The following TERF2 variants were observed in gnomAD, a reference collection of about 807,000 sequenced individuals.
The protein encoded by TERF2 is telomeric repeat-binding factor 2.
TERF2 carries 16 observed loss-of-function variants against 56.1 expected under a neutral mutation model. That is an observed-to-expected ratio of 0.29 (90% CI 0.19 to 0.43). TERF2 has a LOEUF of 0.43. TERF2 is among the 20% of genes least tolerant of loss of function. The pLI is 1.00. For missense variants in TERF2, 547 were observed against 712.9 expected (o/e 0.77, Z 2.65); for synonymous variants, 296 against 282.1 (o/e 1.05, Z -0.50).
intron 3 of TERF2, among the ~76,000 whole-genome samples, chr16:69,378,183 C>T (rs2013863875): frequency 6.6e-6 from 1 of 152,146 alleles, no homozygotes; most frequent in African/African-American, 2.4e-5. Flanking sequence ...TGGTGGACTA[C>T]ACTGATTGAT....
chr16:69,385,347 C>T, intron 2 of TERF2, 44 bp downstream of exon 2: 2 of 1,535,300 alleles, frequency 1.3e-6, no homozygotes, highest in Non-Finnish European at 1.8e-6. Flanking sequence ...TAAAACAAAA[C>T]CCTACGCAAG....
chr16:69,373,083 A>T (rs3785074), intron 3 of TERF2, among the ~76,000 whole-genome samples: 1 of 151,900 alleles, frequency 6.6e-6, no homozygotes, highest in African/African-American at 2.4e-5. Context: ...GGAAAGAAAG[A>T]GATGTGCTGA....
chr16:69,381,579 C>T (rs1373960256), intron 3 of TERF2, among the ~76,000 whole-genome samples: 1 of 151,918 alleles, frequency 6.6e-6, no homozygotes, highest in Non-Finnish European at 1.5e-5. Context: ...CTCCCAGGCT[C>T]AGGTGATCCT....
In TERF2 at chr16:69,367,588, C is replaced by CA. The variant is rs566699732; in HGVS notation, c.948-390dup. ...TTAAGAGCAGGATCTTGAGAATTCT[C>CA]AGAGTAAAAGGCATGCCACACAGTC... On this transcript the variant is annotated intron_variant, in intron 6 of 9. Transcript: ENST00000254942. Among the ~76,000 whole-genome samples the CA allele has an allele frequency of 2.5e-4, 38 of 152,204 alleles. 2 individuals carry two copies. In the South Asian group the frequency reaches 6.9e-3, roughly 27 times the overall value.
rs143327786 is a variant in TERF2 at position 69,379,312 on chromosome 16, G to C, written c.606+5268C>G. Among the ~76,000 whole-genome samples the C allele has an allele frequency of 2.4e-3, 363 of 152,354 alleles. 1 individual carries two copies. Among genetic ancestry groups the C allele is most frequent in the African/African-American group, 8.2e-3 (340 of 41,574 alleles). ...TTGTTTCAAATGTAAAGTTCTAACA[G>C]AGTGTATCTGATATACAAGCACCCC... On this transcript the variant is annotated intron_variant, in intron 3 of 9. Transcript: ENST00000254942.
intron 3 of TERF2, among the ~76,000 whole-genome samples, chr16:69,375,649 C>T (rs2013751485): frequency 6.6e-6 from 1 of 152,050 alleles, no homozygotes; most frequent in South Asian, 2.1e-4. Context: ...GAGATAGGGT[C>T]TATATCACCC....
chr16:69,376,412 C>T (rs975383846), intron 3 of TERF2, among the ~76,000 whole-genome samples: 6 of 152,102 alleles, frequency 3.9e-5, no homozygotes, highest in Non-Finnish European at 8.8e-5. Context: ...TCTCTATAGT[C>T]GTAATTACTG....
intron 6 of TERF2, among the ~76,000 whole-genome samples, chr16:69,367,547 C>T (rs573596374): frequency 6.6e-6 from 1 of 152,152 alleles, no homozygotes; most frequent in Non-Finnish European, 1.5e-5. Context: ...TCCACCACAC[C>T]CGGCCTACAA....
In TERF2 at chr16:69,385,760, C is replaced by T. The variant is rs1024858404; in HGVS notation, c.212G>A (p.Gly71Glu). The T allele has an allele frequency of 2.4e-5, 32 of 1,345,336 alleles. No homozygotes were observed. In the African/African-American group the frequency reaches 4.8e-4, roughly 20 times the overall value. The allele number at this position is 1,345,336 out of a possible 1,614,324, so 83.3% of individuals were successfully genotyped here. Residue 71 changes from glycine (G) to glutamate (E), a missense_variant, in exon 1 of 10, where the codon GGG becomes GAG. Physicochemically the swap from Gly to Glu is moderately conservative, Grantham distance 98 (BLOSUM62 -2). Around this residue, in one of 6 missense-constraint regions of TERF2, gnomAD observed 120 missense variants for 172.4 expected, o/e 0.70. Coordinates refer to ENST00000254942, the MANE Select transcript of TERF2 (RefSeq NM_005652.5). ...GCCCCCCAGCCCCGGCTCGTGGCGC[C>T]CCCGCCGGGCCCGCCCGCTACTGCG... ...ASRSSGRARR[G>E]RHEPGLGGPA...
At chr16:69,361,374 A>T (rs767970325) in intron 8 of TERF2, 30 bp downstream of exon 8, 14 of 1,509,306 alleles carry the variant, frequency 9.3e-6, no homozygotes, top group Non-Finnish European at 1.2e-5. Flanking sequence ...GCAAGCATCA[A>T]GAAGAGGCCA....
chr16:69,357,459 C>G (rs1347309842), intron 9 of TERF2, 59 bp downstream of exon 9: 3 of 1,446,858 alleles, frequency 2.1e-6, no homozygotes, highest in Non-Finnish European at 2.9e-6. Flanking sequence ...AGACAGGGCG[C>G]GTATTTTACC....
At chr16:69,361,579 C>A in intron 7 of TERF2, 90 bp from the exon 8 acceptor site, 5 of 902,866 alleles carry the variant, frequency 5.5e-6, no homozygotes, top group Middle Eastern at 5.1e-4. Flanking sequence ...TGGCCCTGTA[C>A]TCCTTCCTGT....
chr16:69,367,257 C>G (rs2013388117), intron 6 of TERF2, 58 bp from the exon 7 acceptor site: 13 of 1,520,400 alleles, frequency 8.6e-6, no homozygotes, highest in Non-Finnish European at 1.1e-5. Context: ...CTCATCCAAA[C>G]AGCCACAACT....
In TERF2 at chr16:69,385,768, G is replaced by T; in HGVS notation, c.204C>A (p.Ala68=). ...GCCCCGGCTCGTGGCGCCCCCGCCG[G>T]GCCCGCCCGCTACTGCGGGACGCCC... ...GRRASRSSGR[A]RRGRHEPGLG... is the part of the protein sequence containing the mutation. The change falls in exon 1 of 10, where the codon GCC becomes GCA. Residue 68 remains alanine (A), a synonymous_variant. Transcript: ENST00000254942. The T allele has an allele frequency of 7.5e-7, 1 of 1,334,722 alleles. No homozygotes were observed. Among genetic ancestry groups the T allele is most frequent in the Admixed American group, 3.9e-5 (1 of 25,942 alleles). 82.7% of individuals were successfully genotyped at this position (1,334,722 alleles called of 1,614,324 possible).
In TERF2 at chr16:69,355,974, CAT is replaced by C. The variant is rs1341736262; in HGVS notation, c.*922_*923del. The C allele has an allele frequency of 8.3e-6, 2 of 239,726 alleles. No individual in the cohort carries two copies. The highest frequency in any genetic ancestry group is 4.4e-5 in the South Asian group (1 of 22,956). The allele number at this position is 239,726 out of a possible 1,614,324, so 14.8% of individuals were successfully genotyped here. The stretch of plus-strand genomic sequence containing the variant: ...ACCAAAAAACACACTGGTTCAACCA[CAT>C]GAGAAGTGGAGGATTAACCTGCCTA... On this transcript the variant is annotated 3_prime_UTR_variant, in exon 10 of 10. Coordinates refer to ENST00000254942, the MANE Select transcript of TERF2 (RefSeq NM_005652.5).
intron 3 of TERF2, among the ~76,000 whole-genome samples, chr16:69,384,328 G>T (rs1453507782): frequency 6.6e-6 from 1 of 152,112 alleles, no homozygotes; most frequent in Non-Finnish European, 1.5e-5. Flanking sequence ...CCTCCAAAAT[G>T]TCAGAGCTTC....
At chr16:69,368,732 A>T in intron 5 of TERF2, 1 of 814,884 alleles carries the variant, frequency 1.2e-6, no homozygotes, top group Non-Finnish European at 1.8e-6. Flanking sequence ...GCTGCAGCAC[A>T]GTGGTGCAAT....
intron 3 of TERF2, among the ~76,000 whole-genome samples, chr16:69,373,890 A>T (rs951735995): frequency 3.4e-5 from 5 of 147,986 alleles, no homozygotes; most frequent in African/African-American, 1.2e-4. Context: ...CACAGGGAAG[A>T]ATGTACAGAG....
At chr16:69,369,615 A>G (rs1023586710) in intron 5 of TERF2, among the ~76,000 whole-genome samples, 1 of 152,058 alleles carries the variant, frequency 6.6e-6, no homozygotes, top group African/African-American at 2.4e-5. Flanking sequence ...CTGGTTTCAA[A>G]AACAAAACAA....
Sources: allele counts gnomAD v4.1 joint callset (sites outside exome capture counted in the v4.1 genomes callset), GRCh38; gene constraint gnomAD v4.1.1; regional missense constraint gnomAD v4.1.1; transcripts MANE v1.5; gene names NCBI Gene and HGNC (gene_info 2026-07-23, HGNC 2026-07-21).